NFIA: variants seen among roughly 807,000 people sequenced by gnomAD.
NFIA encodes the protein nuclear factor 1 A-type.
NFIA carries 8 observed loss-of-function variants against 62.8 expected under a neutral mutation model. That is an observed-to-expected ratio of 0.13 (90% CI 0.07 to 0.23). The LOEUF is 0.23. Ranked by LOEUF, NFIA falls within the 10% of genes least tolerant of loss-of-function variation. NFIA has a pLI of 1.00. For synonymous variants in NFIA, 235 were observed against 238.1 expected (o/e 0.99, Z 0.12); for missense variants, 410 against 642.1 (o/e 0.64, Z 3.91).
At chr1:61,405,110 A>G (rs1158056142) in intron 8 of NFIA, among the ~76,000 whole-genome samples, 1 of 152,200 alleles carries the variant, frequency 6.6e-6, no homozygotes, top group Non-Finnish European at 1.5e-5. Flanking sequence ...TTACTGGCCA[A>G]TTTAGGATAG....
upstream of NFIA, among the ~76,000 whole-genome samples, chr1:61,079,579 TG>T (rs1444834112): frequency 1.3e-5 from 2 of 152,312 alleles, no homozygotes; most frequent in African/African-American, 4.8e-5. Context: ...TCCTACCACT[TG>T]GAAAATAAAT....
chr1:61,419,150 G>A (rs1489480046), intron 9 of NFIA, among the ~76,000 whole-genome samples: 1 of 152,158 alleles, frequency 6.6e-6, no homozygotes, highest in Non-Finnish European at 1.5e-5. Flanking sequence ...AGTTCAGACA[G>A]ACAGACTGTG....
chr1:61,266,065 T>C (rs190194516), intron 2 of NFIA, among the ~76,000 whole-genome samples: 4 of 152,348 alleles, frequency 2.6e-5, no homozygotes, highest in Admixed American at 1.3e-4. Flanking sequence ...GTGATGTGTT[T>C]CAAATGTAGA....
chr1:61,349,617 A>G (rs934286173), intron 4 of NFIA, among the ~76,000 whole-genome samples: 5 of 152,070 alleles, frequency 3.3e-5, no homozygotes, highest in Non-Finnish European at 5.9e-5. Context: ...TCCATTGCCC[A>G]GGCTGGAGTT....
intron 2 of NFIA, among the ~76,000 whole-genome samples, chr1:61,177,985 G>A (rs558347155): frequency 2.0e-5 from 3 of 152,018 alleles, no homozygotes; most frequent in East Asian, 1.9e-4. Context: ...ATCTCCCTTC[G>A]AGCGCATGAA....
chr1:61,150,655 TC>T (rs1351104336), intron 2 of NFIA, among the ~76,000 whole-genome samples: 1 of 152,140 alleles, frequency 6.6e-6, no homozygotes, highest in Non-Finnish European at 1.5e-5. Context: ...GGAGTGGATT[TC>T]TCAGCTTCCT....
chr1:61,341,988 A>G (rs1661946307), intron 4 of NFIA, among the ~76,000 whole-genome samples: 1 of 152,122 alleles, frequency 6.6e-6, no homozygotes, highest in Non-Finnish European at 1.5e-5. Context: ...ACTCTTGCCG[A>G]GTAGAAGGGC....
At chr1:61,290,533 CTTCTTTTAAAA>C (rs1658812105) in intron 3 of NFIA, among the ~76,000 whole-genome samples, 1 of 152,154 alleles carries the variant, frequency 6.6e-6, no homozygotes, top group Middle Eastern at 3.2e-3. Flanking sequence ...AGAGGTTTAT[CTTCTTTTAAAA>C]TTACAAATGC....
In NFIA at chr1:61,365,851, G is replaced by A. The variant is rs148227250; in HGVS notation, c.946+6577G>A. ...GTGAAAATTAATATTCTCTAATCAC[G>A]TGAAATATCATCATTAGGATTACTG... On this transcript the variant is annotated intron_variant, in intron 6 of 10. Coordinates refer to ENST00000403491, the MANE Select transcript of NFIA (RefSeq NM_001134673.4). Among the ~76,000 whole-genome samples, 141 of 152,256 alleles carry A rather than the reference G, an allele frequency of 9.3e-4. 3 individuals carry two copies. In the East Asian group the frequency reaches 0.022, roughly 24 times the overall value.
At chr1:61,161,195 G>A (rs1056599246) in intron 2 of NFIA, among the ~76,000 whole-genome samples, 1 of 152,224 alleles carries the variant, frequency 6.6e-6, no homozygotes, top group Non-Finnish European at 1.5e-5. Context: ...GATTACAGGT[G>A]TGCACCACCG....
At chr1:61,230,672 T>C (rs968256805) in intron 2 of NFIA, among the ~76,000 whole-genome samples, 3 of 152,180 alleles carry the variant, frequency 2.0e-5, no homozygotes, top group African/African-American at 7.2e-5. Flanking sequence ...CATACCTTCA[T>C]TGACTCCCTC....
rs187527289 is a variant in NFIA at position 61,349,917 on chromosome 1, C to G, written c.701-2533C>G. Among the ~76,000 whole-genome samples, 343 of 152,228 alleles carry G rather than the reference C, an allele frequency of 2.3e-3. 1 individual carries two copies. Among genetic ancestry groups the G allele is most frequent in the South Asian group, 5.4e-3 (26 of 4,824 alleles). ...CCCAGCCAGTCAGTACATCTTGATT[C>G]TAACTCCTGAATAACTTACATCAGG... On this transcript the variant is annotated intron_variant, in intron 4 of 10. Transcript: ENST00000403491.
intron 9 of NFIA, among the ~76,000 whole-genome samples, chr1:61,411,122 C>A (rs913867919): frequency 5.9e-5 from 9 of 151,988 alleles, no homozygotes; most frequent in Non-Finnish European, 1.2e-4. Context: ...TTTTTAATAT[C>A]TTCTTATAAT....
chr1:61,217,738 A>T (rs1044590623), intron 2 of NFIA, among the ~76,000 whole-genome samples: 2 of 152,218 alleles, frequency 1.3e-5, no homozygotes, highest in African/African-American at 4.8e-5. Context: ...CTTACTGCAG[A>T]ATGAGAATAA....
intron 5 of NFIA, among the ~76,000 whole-genome samples, chr1:61,353,687 A>G (rs1274634186): frequency 6.6e-6 from 1 of 152,200 alleles, no homozygotes; most frequent in African/African-American, 2.4e-5. Flanking sequence ...ACTTTAAAAA[A>G]AAGATCAACT....
rs145915298 is a variant in NFIA at position 61,306,009 on chromosome 1, G to A, written c.626-26503G>A. ...ACTACAGGCACACACCACCACGCCC[G>A]GCTAATTTTTGTTGTATTTTTTATT... is the stretch of plus-strand genomic sequence containing the variant. On this transcript the variant is annotated intron_variant, in intron 3 of 10. Transcript: ENST00000403491. Among the ~76,000 whole-genome samples, 1,121 of 151,118 alleles carry A rather than the reference G, an allele frequency of 7.4e-3. 4 individuals carry two copies. The highest frequency in any genetic ancestry group is 0.045 in the Middle Eastern group (13 of 292).
At chr1:61,453,221 G>C (rs1464087137) in intron 10 of NFIA, among the ~76,000 whole-genome samples, 1 of 152,104 alleles carries the variant, frequency 6.6e-6, no homozygotes, top group Non-Finnish European at 1.5e-5. Flanking sequence ...TGGGAGGAGA[G>C]CAGAGGGTTT....
intron 6 of NFIA, among the ~76,000 whole-genome samples, chr1:61,361,983 C>G (rs1329917332): frequency 6.6e-6 from 1 of 152,030 alleles, no homozygotes; most frequent in Admixed American, 6.6e-5. Flanking sequence ...TTTGGCCATA[C>G]TCAGCAAGCG....
intron 9 of NFIA, among the ~76,000 whole-genome samples, chr1:61,408,383 G>A (rs894889363): frequency 1.3e-5 from 2 of 151,886 alleles, no homozygotes; most frequent in African/African-American, 4.8e-5. Flanking sequence ...TGCCCTGCTC[G>A]TTGTGTATTT....
Sources: gnomAD v4.1 joint callset for allele counts (sites outside exome capture counted in the v4.1 genomes callset) on GRCh38, gnomAD v4.1.1 for gene constraint, MANE v1.5 for transcripts, NCBI Gene and HGNC (gene_info 2026-07-23, HGNC 2026-07-21) for gene names.